SNX9: variants seen among roughly 807,000 people sequenced by gnomAD.
SNX9 encodes the protein sorting nexin 9, also known as sorting nexin-9.
SNX9 carries 44 observed loss-of-function variants against 89.4 expected under a neutral mutation model. The observed-to-expected ratio is 0.49, with a 90% confidence interval of 0.39 to 0.63. SNX9 has a LOEUF of 0.63. Ranked by LOEUF, SNX9 falls within the 30% of genes least tolerant of loss-of-function variation. The pLI, the probability that SNX9 is intolerant of heterozygous loss-of-function variation, is 0.00. For synonymous variants in SNX9, 236 were observed against 247.8 expected, an observed-to-expected ratio of 0.95 and a Z score of 0.45; for missense variants, 578 against 736.1, an observed-to-expected ratio of 0.79 and a Z score of 2.49.
chr6:157,863,085 T>C (rs779873615), intron 1 of SNX9, among the ~76,000 whole-genome samples: 5 of 152,220 alleles, frequency 3.3e-5, no homozygotes, highest in Non-Finnish European at 7.3e-5. Flanking sequence ...CAGTTAGCCA[T>C]TGACAGCAAT....
intron 12 of SNX9, among the ~76,000 whole-genome samples, chr6:157,931,789 G>A (rs991301294): frequency 6.6e-6 from 1 of 152,202 alleles, no homozygotes; most frequent in Admixed American, 6.5e-5. Context: ...GTGACCTTGG[G>A]CAAGTCAGTT....
Position 157,867,550 on chromosome 6 carries a change from C to T in SNX9, c.16C>T (p.Arg6Trp), listed in dbSNP as rs151265155. The T allele has an allele frequency of 4.8e-5, 77 of 1,609,178 alleles. No individual in the cohort carries two copies. The highest frequency in any genetic ancestry group is 6.2e-5 in the Non-Finnish European group (73 of 1,176,744). Residue 6 changes from arginine (R) to tryptophan (W), a missense_variant, in exon 2 of 18, where the codon CGG becomes TGG. Transcript: ENST00000392185. MATKARVMYDFAAEPG... is the reference protein window; with the variant it reads MATKAWVMYDFAAEPG... ...TTTTCCTCTCCACTCCTGATAGGCT[C>T]GGGTTATGTATGATTTTGCTGCTGA...
Position 157,919,787 on chromosome 6 carries a change from A to T in SNX9, c.950-1744A>T, listed in dbSNP as rs1379072212. Among the ~76,000 whole-genome samples, 6 of 151,972 alleles carry T rather than the reference A, an allele frequency of 3.9e-5. No individual in the cohort carries two copies. The East Asian group carries it at 1.2e-3, about 29-fold the overall frequency. On this transcript the variant is annotated intron_variant, in intron 9 of 17. Transcript: ENST00000392185. ...TTCATATCTTGCTATTTCTTTGCGT[A>T]TCTCTTAATTTTTTGTTGAAAACTG...
chr6:157,916,034 T>G (rs955968452), intron 9 of SNX9, among the ~76,000 whole-genome samples: 1 of 151,384 alleles, frequency 6.6e-6, no homozygotes, highest in Non-Finnish European at 1.5e-5. Context: ...TTTTTGTCTT[T>G]TCTTTTTTTT....
chr6:157,873,243 A>G (rs1436124004), intron 3 of SNX9, 67 bp downstream of exon 3: 5 of 1,340,014 alleles, frequency 3.7e-6, no homozygotes, highest in Non-Finnish European at 5.0e-6. Context: ...TGAATTATCA[A>G]CTTACAAGAA....
At chr6:157,912,767 T>C (rs753851100) in intron 9 of SNX9, among the ~76,000 whole-genome samples, 1 of 152,268 alleles carries the variant, frequency 6.6e-6, no homozygotes, top group African/African-American at 2.4e-5. Flanking sequence ...TTGTTTTTTA[T>C]GGAAATAATA....
intron 1 of SNX9, among the ~76,000 whole-genome samples, chr6:157,866,437 G>A (rs1782263537): frequency 1.3e-5 from 2 of 152,154 alleles, no homozygotes; most frequent in Non-Finnish European, 1.5e-5. Flanking sequence ...AGCTGGGCAG[G>A]GTGGCATGTG....
intron 2 of SNX9, among the ~76,000 whole-genome samples, chr6:157,871,082 A>T (rs974664016): frequency 3.9e-5 from 6 of 152,236 alleles, no homozygotes; most frequent in Non-Finnish European, 7.3e-5. Context: ...TATGTCTTGG[A>T]TTGAAAAAAG....
chr6:157,865,202 G>T (rs1258599328), intron 1 of SNX9, among the ~76,000 whole-genome samples: 1 of 151,920 alleles, frequency 6.6e-6, no homozygotes, highest in Non-Finnish European at 1.5e-5. Flanking sequence ...AGCCAAGTGT[G>T]GTGGTAGGCG....
chr6:157,853,168 G>T (rs1474127942), intron 1 of SNX9, among the ~76,000 whole-genome samples: 1 of 151,890 alleles, frequency 6.6e-6, no homozygotes, highest in East Asian at 1.9e-4. Flanking sequence ...CTCAGCTTTT[G>T]TCTGAAATGC....
At position 157,823,618 on chromosome 6, in the gene SNX9, T is replaced by A. The variant is rs1434408065; in HGVS notation, c.12+172T>A. ...CGGCCCAGCCAGTCCCTTCTGGGCA[T>A]GGGTGCGGCGGGCAGTGCAGACAGA... is the stretch of plus-strand genomic sequence containing the variant. On this transcript the variant is annotated intron_variant, in intron 1 of 17. Coordinates refer to ENST00000392185, the MANE Select transcript of SNX9 (RefSeq NM_016224.5). The surrounding 1 kb of genome is among the most constrained non-coding windows in gnomAD (Gnocchi z 4.6). Among the ~76,000 whole-genome samples, 1 of 151,614 alleles carries A rather than the reference T, an allele frequency of 6.6e-6. No individual in the cohort carries two copies. The highest frequency in any genetic ancestry group is 2.0e-4 in the East Asian group (1 of 5,124).
chr6:157,881,934 C>G (rs1782633922), intron 4 of SNX9, among the ~76,000 whole-genome samples: 1 of 152,198 alleles, frequency 6.6e-6, no homozygotes, highest in Admixed American at 6.5e-5. Context: ...TCCAGAAGAT[C>G]TAGCAAAGAT....
chr6:157,842,089 G>C (rs1583194327), intron 1 of SNX9, among the ~76,000 whole-genome samples: 1 of 152,020 alleles, frequency 6.6e-6, no homozygotes, highest in African/African-American at 2.4e-5. Flanking sequence ...TTAAATAACT[G>C]TAATTCCTGT....
chr6:157,852,195 G>T (rs897268911), intron 1 of SNX9, among the ~76,000 whole-genome samples: 3 of 152,216 alleles, frequency 2.0e-5, no homozygotes, highest in African/African-American at 7.2e-5. Context: ...GTTTTCTACC[G>T]TGGCTGTACC....
intron 2 of SNX9, among the ~76,000 whole-genome samples, chr6:157,868,307 A>G (rs1161144058): frequency 6.6e-6 from 1 of 152,224 alleles, no homozygotes; most frequent in Non-Finnish European, 1.5e-5. Flanking sequence ...ATATACATAC[A>G]CACATGCATC....
At chr6:157,904,938 G>T (rs879341284) in intron 6 of SNX9, among the ~76,000 whole-genome samples, 6 of 152,216 alleles carry the variant, frequency 3.9e-5, no homozygotes, top group Non-Finnish European at 8.8e-5. Flanking sequence ...TGCGGCTGCA[G>T]GGAGTACTTC....
intron 4 of SNX9, among the ~76,000 whole-genome samples, chr6:157,877,990 T>C (rs1782551921): frequency 6.6e-6 from 1 of 152,222 alleles, no homozygotes; most frequent in African/African-American, 2.4e-5. Flanking sequence ...TTCCTTGACT[T>C]TGTATTCTTA....
At chr6:157,920,884 A>G (rs944294538) in intron 9 of SNX9, among the ~76,000 whole-genome samples, 1 of 152,230 alleles carries the variant, frequency 6.6e-6, no homozygotes, top group African/African-American at 2.4e-5. Context: ...GTTTTAGTAG[A>G]GTCACAAGTT....
At chr6:157,878,323 A>G (rs1264613309) in intron 4 of SNX9, among the ~76,000 whole-genome samples, 2 of 152,258 alleles carry the variant, frequency 1.3e-5, no homozygotes, top group South Asian at 4.1e-4. Flanking sequence ...TGTTCTTTAA[A>G]TGGACTGAAA....
Sources: allele counts gnomAD v4.1 joint callset (sites outside exome capture counted in the v4.1 genomes callset), GRCh38; gene constraint gnomAD v4.1.1; non-coding constraint Gnocchi (gnomAD v3.1); transcripts MANE v1.5; gene names NCBI Gene and HGNC (gene_info 2026-07-23, HGNC 2026-07-21).